Variants in RBFOX1 observed in about 807,000 individuals in gnomAD.
The protein encoded by RBFOX1 is RNA binding fox-1 homolog 1, also known as RNA binding protein fox-1 homolog 1.
In RBFOX1, 8 loss-of-function variants were observed where a neutral mutation model predicts 57.7. That is an observed-to-expected ratio of 0.14 (90% CI 0.08 to 0.25). The LOEUF (loss-of-function observed/expected upper bound fraction) is 0.25, where lower values mean the gene tolerates loss of function less well. RBFOX1 is among the 10% of genes least tolerant of loss of function. RBFOX1 has a pLI of 1.00. For missense variants in RBFOX1, 611 were observed against 548.5 expected (o/e 1.11, Z -1.14); for synonymous variants, 326 against 222.4 (o/e 1.47, Z -4.15).
chr16:6,492,296 C>T (rs2095650301), intron 2 of RBFOX1, among the ~76,000 whole-genome samples: 1 of 152,146 alleles, frequency 6.6e-6, no homozygotes, highest in Non-Finnish European at 1.5e-5. Context: ...GTAGGCTGGG[C>T]ACGATGGCCC....
chr16:7,304,261 C>A, intron 4 of RBFOX1: 5 of 983,256 alleles, frequency 5.1e-6, no homozygotes, highest in Non-Finnish European at 6.0e-6. Flanking sequence ...CGCGAGCCAC[C>A]GGTCATTGAC....
chr16:5,356,792 T>A (rs1035877097), intron 1 of RBFOX1, among the ~76,000 whole-genome samples: 2 of 152,232 alleles, frequency 1.3e-5, no homozygotes, highest in African/African-American at 4.8e-5. Context: ...ATTTGACTGC[T>A]TTGATGTCTA....
chr16:6,261,044 A>C (rs2097698720), intron 1 of RBFOX1, among the ~76,000 whole-genome samples: 1 of 152,220 alleles, frequency 6.6e-6, no homozygotes, highest in African/African-American at 2.4e-5. Context: ...TTAGAGTGCT[A>C]TCATCAACTT....
intron 4 of RBFOX1, among the ~76,000 whole-genome samples, chr16:7,197,174 T>A (rs2086913380): frequency 6.6e-6 from 1 of 152,188 alleles, no homozygotes; most frequent in Non-Finnish European, 1.5e-5. Flanking sequence ...TTCTCCAGGC[T>A]GTTGAAACTA....
At chr16:7,194,216 G>T (rs2086127788) in intron 4 of RBFOX1, among the ~76,000 whole-genome samples, 1 of 152,124 alleles carries the variant, frequency 6.6e-6, no homozygotes. Flanking sequence ...GAAGCCTCCG[G>T]CTCAGTGTCT....
chr16:7,602,604 C>G (rs1010937931), intron 9 of RBFOX1, among the ~76,000 whole-genome samples: 1 of 152,180 alleles, frequency 6.6e-6, no homozygotes, highest in East Asian at 1.9e-4. Context: ...GGGTCTCTTT[C>G]AGGTACGAGG....
At chr16:5,448,688 A>G (rs2068328018) in intron 1 of RBFOX1, among the ~76,000 whole-genome samples, 3 of 152,190 alleles carry the variant, frequency 2.0e-5, no homozygotes, top group Admixed American at 6.5e-5. Flanking sequence ...GCAGAGCTCA[A>G]TGTGAGATAC....
chr16:7,308,157 A>G (rs2096235400), intron 4 of RBFOX1, among the ~76,000 whole-genome samples: 1 of 152,168 alleles, frequency 6.6e-6, no homozygotes, highest in African/African-American at 2.4e-5. Flanking sequence ...AAATCTAGAG[A>G]TGGTTTATTT....
intron 3 of RBFOX1, among the ~76,000 whole-genome samples, chr16:6,738,903 G>C (rs2071234596): frequency 6.6e-6 from 1 of 152,040 alleles, no homozygotes; most frequent in South Asian, 2.1e-4. Flanking sequence ...TGAAAATGAA[G>C]TCTCATAATA....
intron 3 of RBFOX1, among the ~76,000 whole-genome samples, chr16:6,805,423 A>C (rs1269908953): frequency 6.6e-6 from 1 of 152,156 alleles, no homozygotes; most frequent in Non-Finnish European, 1.5e-5. Context: ...AAGAGCAGAA[A>C]AAAATAACTT....
At position 6,583,580 on chromosome 16, in the gene RBFOX1, C is replaced by T. The variant is rs115281123; in HGVS notation, c.-63-71023C>T. Among the ~76,000 whole-genome samples the T allele has an allele frequency of 2.5e-3, 386 of 152,324 alleles. 1 individual carries two copies. The highest frequency in any genetic ancestry group is 8.7e-3 in the African/African-American group (360 of 41,568). ...TTGGGGAGAGCATCTTGTTACCTGT[C>T]GCCTTTTTAACTGGATTCTATCCAT... On this transcript the variant is annotated intron_variant, in intron 2 of 15. Transcript: ENST00000550418.
chr16:6,293,994 T>C (rs959839218), intron 1 of RBFOX1, among the ~76,000 whole-genome samples: 1 of 152,170 alleles, frequency 6.6e-6, no homozygotes, highest in Non-Finnish European at 1.5e-5. Context: ...GTTTGCCTTA[T>C]CCTCTAAATA....
intron 2 of RBFOX1, among the ~76,000 whole-genome samples, chr16:6,558,198 T>C (rs2097131459): frequency 6.6e-6 from 1 of 151,836 alleles, no homozygotes; most frequent in Non-Finnish European, 1.5e-5. Flanking sequence ...AACGTGCAGG[T>C]GTGTTGGGTT....
chr16:7,166,754 G>C (rs1380254859), intron 4 of RBFOX1, among the ~76,000 whole-genome samples: 1 of 151,972 alleles, frequency 6.6e-6, no homozygotes, highest in African/African-American at 2.4e-5. Flanking sequence ...AGCATCCTTG[G>C]ATGAGTGCGC....
chr16:6,449,284 T>G (rs989610881), intron 2 of RBFOX1, among the ~76,000 whole-genome samples: 1 of 152,220 alleles, frequency 6.6e-6, no homozygotes, highest in Non-Finnish European at 1.5e-5. Context: ...AAATCATGCT[T>G]GCTCGTTTCT....
At chr16:7,345,419 C>G (rs1430825350) in intron 4 of RBFOX1, among the ~76,000 whole-genome samples, 9 of 152,172 alleles carry the variant, frequency 5.9e-5, no homozygotes, top group Admixed American at 5.9e-4. Context: ...TTGCCTGTAG[C>G]ATTTTCCATG....
intron 2 of RBFOX1, among the ~76,000 whole-genome samples, chr16:6,443,708 A>G (rs2094431777): frequency 6.6e-6 from 1 of 152,172 alleles, no homozygotes; most frequent in Non-Finnish European, 1.5e-5. Flanking sequence ...TTCATTTACT[A>G]AGTCATTCTT....
chr16:6,278,070 C>T (rs998623119), intron 1 of RBFOX1, among the ~76,000 whole-genome samples: 4 of 152,002 alleles, frequency 2.6e-5, no homozygotes, highest in African/African-American at 4.8e-5. Context: ...TGGACATAGG[C>T]CATTAGTCAC....
At chr16:7,322,909 T>A (rs925053809) in intron 4 of RBFOX1, among the ~76,000 whole-genome samples, 4 of 152,200 alleles carry the variant, frequency 2.6e-5, no homozygotes, top group African/African-American at 9.6e-5. Context: ...CCCATTTCCA[T>A]GTACCTCTGA....
Sources: gnomAD v4.1 joint callset for allele counts (sites outside exome capture counted in the v4.1 genomes callset) on GRCh38, gnomAD v4.1.1 for gene constraint, MANE v1.5 for transcripts, NCBI Gene and HGNC (gene_info 2026-07-23, HGNC 2026-07-21) for gene names.